GALNT12: variants seen among roughly 807,000 people sequenced by gnomAD.
GALNT12 encodes polypeptide N-acetylgalactosaminyltransferase 12.
In GALNT12, 45 loss-of-function variants were observed where a neutral mutation model predicts 55.5. The ratio of observed to expected loss-of-function variants is 0.81; its 90% confidence interval spans 0.64 to 1.04. The LOEUF (loss-of-function observed/expected upper bound fraction) is 1.04. GALNT12 is among the 50% of genes least tolerant of loss of function. The pLI is 0.00. For missense variants in GALNT12, 709 were observed against 754.8 expected (o/e 0.94, Z 0.71); for synonymous variants, 304 against 312.2 (o/e 0.97, Z 0.28).
chr9:98,829,153 TTATCTATCTATCTATCTATC>T (rs57899489), intron 3 of GALNT12, among the ~76,000 whole-genome samples: 59 of 141,982 alleles, frequency 4.2e-4, no homozygotes, highest in Admixed American at 5.7e-4. Context: ...GTAATTTTTT[TTATCTATCTATCTATCTATC>T]TATCTATCTA....
chr9:98,827,846 T>C (rs1253780388), intron 3 of GALNT12, among the ~76,000 whole-genome samples: 1 of 152,206 alleles, frequency 6.6e-6, no homozygotes, highest in Non-Finnish European at 1.5e-5. Context: ...AAAGTCATAA[T>C]GTAACCCTGT....
chr9:98,832,195 T>C (rs1048653613), intron 4 of GALNT12, among the ~76,000 whole-genome samples: 6 of 152,206 alleles, frequency 3.9e-5, no homozygotes, highest in Non-Finnish European at 2.9e-5. Context: ...ATATACATCA[T>C]AGAGAATTTA....
chr9:98,842,097 T>G (rs1405343761), intron 7 of GALNT12, among the ~76,000 whole-genome samples: 3 of 151,620 alleles, frequency 2.0e-5, no homozygotes, highest in East Asian at 1.9e-4. Context: ...TGGCTCATTG[T>G]TTTTTTTGGC....
chr9:98,835,074 C>T (rs766332182), intron 4 of GALNT12, among the ~76,000 whole-genome samples, 175 bp from the exon 5 acceptor site: 18 of 152,174 alleles, frequency 1.2e-4, no homozygotes, highest in Middle Eastern at 3.4e-3. Context: ...AGGCAGGGAC[C>T]GTAGGGTACA....
intron 6 of GALNT12, among the ~76,000 whole-genome samples, chr9:98,839,100 TG>T (rs1173771809): frequency 1.3e-5 from 2 of 152,168 alleles, no homozygotes; most frequent in Non-Finnish European, 2.9e-5. Flanking sequence ...ATGCACAGTC[TG>T]GAACCCATAG....
chr9:98,838,160 G>T (rs1407555469), intron 6 of GALNT12, among the ~76,000 whole-genome samples: 1 of 152,168 alleles, frequency 6.6e-6, no homozygotes, highest in African/African-American at 2.4e-5. Flanking sequence ...GAGCCTTCTT[G>T]TTAGCACCCT....
rs748104709 is a variant in GALNT12 at position 98,831,878 on chromosome 9, G to A, written c.838G>A (p.Asp280Asn). The change falls in exon 4 of 10, where the codon GAC (aspartate) becomes AAC (asparagine). Residue 280 changes from aspartate (D) to asparagine (N), a missense_variant. Around this residue, in one of 5 missense-constraint regions of GALNT12, gnomAD observed 315 missense variants for 288.6 expected, o/e 1.09. Transcript: ENST00000375011. The stretch of plus-strand genomic sequence containing the variant: ...CGGGGAGCCCCAGATCGGCGGTTTC[G>A]ACTGGAGGCTGGTGTTCACGTGGCA... ...NSGEPQIGGF[D>N]WRLVFTWHTV... 6.1e-5 allele frequency: 98 copies of A among 1,614,010 alleles called. No homozygotes were observed. Among genetic ancestry groups the A allele is most frequent in the Middle Eastern group, 1.6e-4 (1 of 6,084 alleles).
intron 4 of GALNT12, 55 bp downstream of exon 4, chr9:98,832,012 G>C: frequency 6.7e-7 from 1 of 1,502,876 alleles, no homozygotes; most frequent in Middle Eastern, 1.7e-4. Flanking sequence ...ATTGAATCTG[G>C]CTGACCTGTG....
At chr9:98,822,937 C>T (rs972313678) in intron 1 of GALNT12, among the ~76,000 whole-genome samples, 5 of 152,176 alleles carry the variant, frequency 3.3e-5, no homozygotes, top group African/African-American at 9.7e-5. Flanking sequence ...GCAGAGTAGA[C>T]AGAAAGGAGG....
intron 2 of GALNT12, among the ~76,000 whole-genome samples, 179 bp from the exon 3 acceptor site, chr9:98,826,573 G>A (rs1398558751): frequency 1.3e-5 from 2 of 152,094 alleles, no homozygotes; most frequent in Admixed American, 6.5e-5. Flanking sequence ...CCTGGCCTTC[G>A]GAGCACTTCC....
intron 1 of GALNT12, among the ~76,000 whole-genome samples, chr9:98,822,198 TTGAG>T (rs1450031337): frequency 1.3e-5 from 2 of 152,238 alleles, no homozygotes; most frequent in African/African-American, 2.4e-5. Context: ...CACCCCCTTC[TTGAG>T]TATCTAGCTG....
intron 1 of GALNT12, among the ~76,000 whole-genome samples, chr9:98,811,674 G>A (rs929751178): frequency 6.8e-6 from 1 of 146,088 alleles, no homozygotes; most frequent in African/African-American, 2.5e-5. Context: ...AAAGAGTCTC[G>A]AAGTCGTTCT....
At chr9:98,825,342 A>G (rs559202991) in intron 2 of GALNT12, among the ~76,000 whole-genome samples, 2 of 152,228 alleles carry the variant, frequency 1.3e-5, no homozygotes, top group African/African-American at 4.8e-5. Flanking sequence ...AATGTGAGGC[A>G]GTGTGGACCA....
At chr9:98,823,548 A>C in intron 2 of GALNT12, 123 bp downstream of exon 2, 1 of 835,558 alleles carries the variant, frequency 1.2e-6, no homozygotes, top group Non-Finnish European at 2.0e-6. Flanking sequence ...ATCCTCCTGT[A>C]CCCAAGGAAG....
chr9:98,842,902 G>A (rs1045895668), intron 7 of GALNT12, among the ~76,000 whole-genome samples: 4 of 151,856 alleles, frequency 2.6e-5, no homozygotes, highest in Admixed American at 1.3e-4. Context: ...ATTCATTGAG[G>A]CATTTTACAT....
chr9:98,849,530 A>G lies in GALNT12; in HGVS notation c.*438A>G. On this transcript the variant is annotated 3_prime_UTR_variant, in exon 10 of 10. Coordinates refer to ENST00000375011, the MANE Select transcript of GALNT12 (RefSeq NM_024642.5). ...CAAGCAACGTACTTTGCATTAACTG[A>G]TAATACCTCAGCTGCGGGGTTAAAG... The G allele has an allele frequency of 4.2e-6, 2 of 478,790 alleles. No homozygotes were observed. Among genetic ancestry groups the G allele is most frequent in the East Asian group, 6.3e-5 (2 of 31,750 alleles). 29.7% of individuals were successfully genotyped at this position (478,790 alleles called of 1,614,324 possible).
In GALNT12 at chr9:98,826,894, C is replaced by T; in HGVS notation, c.684C>T (p.Asp228=). 6.3e-7 allele frequency: 1 copy of T among 1,585,626 alleles called. No homozygotes were observed. The change falls in exon 3 of 10, where the codon GAC becomes GAT. Residue 228 remains aspartate (D), a synonymous_variant. Transcript: ENST00000375011. Reference sequence around the variant, plus strand: ...GGGGCGATGTTCTGACCTTCCTGGACTGTCACTGTGAGTGCCACGAAGGGT... The same window carrying T: ...GGGGCGATGTTCTGACCTTCCTGGATTGTCACTGTGAGTGCCACGAAGGGT... ...AARGDVLTFL[D]CHCECHEGWL...
intron 8 of GALNT12, chr9:98,844,430 T>C: frequency 1.8e-6 from 1 of 548,988 alleles, no homozygotes. Context: ...GTTGTCATAA[T>C]GTCTGTATGT....
chr9:98,825,995 A>G (rs983391570), intron 2 of GALNT12, among the ~76,000 whole-genome samples: 7 of 152,122 alleles, frequency 4.6e-5, no homozygotes, highest in South Asian at 4.2e-4. Flanking sequence ...AAATCAACCA[A>G]TTAATGCTTT....
Sources: gnomAD v4.1 joint callset for allele counts (sites outside exome capture counted in the v4.1 genomes callset) on GRCh38, gnomAD v4.1.1 for gene constraint, gnomAD v4.1.1 regional missense constraint, MANE v1.5 for transcripts, NCBI Gene and HGNC (gene_info 2026-07-23, HGNC 2026-07-21) for gene names.